The following USP6 variants were observed in gnomAD, a reference collection of about 807,000 sequenced individuals.
USP6 encodes the protein ubiquitin specific peptidase 6, also known as ubiquitin carboxyl-terminal hydrolase 6.
Under a neutral mutation model 175.7 loss-of-function variants are expected in USP6, and 128 were observed. The observed-to-expected ratio is 0.73, with a 90% CI of 0.63 to 0.84. USP6 has a LOEUF of 0.84. Among genes scored for constraint, USP6 ranks in the 40% least tolerant of loss-of-function variants. The pLI is 0.00. For missense variants in USP6, 1,498 were observed against 1,760.3 expected (o/e 0.85, Z 2.67); for synonymous variants, 562 against 630.6 (o/e 0.89, Z 1.63).
At chr17:5,163,340 T>C (rs1332555408) in intron 33 of USP6, among the ~76,000 whole-genome samples, 1 of 152,196 alleles carries the variant, frequency 6.6e-6, no homozygotes, top group Non-Finnish European at 1.5e-5. Context: ...TGGCAAAGAC[T>C]TCTGTGCTGC....
At position 5,168,993 on chromosome 17, in the gene USP6, A is replaced by C. The variant is rs1404471196; in HGVS notation, c.3455A>C (p.Glu1152Ala). Reference sequence around the variant, plus strand: ...GATGCGCAGAGTTCGGCTGGAAAAGAGGACATGCTCCTAAGCAAAAGCCCA... The same window carrying C: ...GATGCGCAGAGTTCGGCTGGAAAAGCGGACATGCTCCTAAGCAAAAGCCCA... The part of the protein sequence containing the change: ...KVDAQSSAGK[E>A]DMLLSKSPSS... Residue 1152 changes from glutamate to alanine, a missense_variant, in exon 35 of 38, where the codon GAG (glutamate) becomes GCG (alanine). This residue lies in a region of USP6 where 1,217 missense variants were observed against 1,500.8 expected (regional missense o/e 0.81). Transcript: ENST00000574788. 6.2e-7 allele frequency: 1 copy of C among 1,614,028 alleles called. No individual in the cohort carries two copies. Among genetic ancestry groups the C allele is most frequent in the African/African-American group, 1.3e-5 (1 of 75,060 alleles).
At chr17:5,136,569 A>T in intron 17 of USP6, 71 bp from the exon 18 acceptor site, 1 of 1,573,356 alleles carries the variant, frequency 6.4e-7, no homozygotes, top group Non-Finnish European at 8.7e-7. Context: ...GCAGCTGCCC[A>T]GCTCTTTCAG....
chr17:5,127,650 A>G lies in USP6; in HGVS notation c.-338+11A>G, dbSNP rs532251033. 1 of 152,324 alleles carries G rather than the reference A, an allele frequency of 6.6e-6. No homozygotes were observed. Among genetic ancestry groups the G allele is most frequent in the Non-Finnish European group, 1.5e-5 (1 of 68,032 alleles). 9.4% of individuals were successfully genotyped at this position (152,324 alleles called of 1,614,324 possible). A position where few individuals can be genotyped will look rare whatever the true frequency, so the allele number is the denominator to read the frequency against. On this transcript the variant is annotated intron_variant, in intron 7 of 37. Coordinates refer to ENST00000574788, the MANE Select transcript of USP6 (RefSeq NM_001304284.2). ...GAGAAGCCTTCCTGAGTGAGTTTAT[A>G]TAGTCATCCCTTGGTATCCATGGAG... is the stretch of plus-strand genomic sequence containing the variant.
At chr17:5,139,822 C>T in intron 22 of USP6, 148 bp downstream of exon 22, 1 of 1,594,590 alleles carries the variant, frequency 6.3e-7, no homozygotes. Context: ...CTTGCCTCTG[C>T]CACCTCTACT....
chr17:5,123,497 C>G (rs1340756284), intron 4 of USP6, among the ~76,000 whole-genome samples: 1 of 152,148 alleles, frequency 6.6e-6, no homozygotes, highest in Non-Finnish European at 1.5e-5. Flanking sequence ...AGCAAACACG[C>G]AGGGTGAGTG....
intron 33 of USP6, 95 bp downstream of exon 33, chr17:5,163,099 C>G: frequency 6.8e-7 from 1 of 1,461,202 alleles, no homozygotes; most frequent in East Asian, 2.6e-5. Flanking sequence ...AATTTAAAAA[C>G]AACCAGAAAA....
Position 5,135,963 on chromosome 17 carries a change from C to T in USP6, c.664+35C>T, listed in dbSNP as rs754911770. 3.1e-6 allele frequency: 5 copies of T among 1,597,346 alleles called. No homozygotes were observed. The East Asian group carries it at 1.1e-4, about 36-fold the overall frequency. Reference sequence around the variant, plus strand: ...CAGCTGCCCGTGGGGCCTCACGCAGCCAGACCCGGGAAAGCCACTGTGGCC... The same window carrying T: ...CAGCTGCCCGTGGGGCCTCACGCAGTCAGACCCGGGAAAGCCACTGTGGCC... On this transcript the variant is annotated intron_variant, in intron 17 of 37. Coordinates refer to ENST00000574788, the MANE Select transcript of USP6 (RefSeq NM_001304284.2).
rs969143011 is a variant in USP6 at position 5,142,038 on chromosome 17, C to T, written c.1609C>T (p.Leu537=). 14 of 1,613,758 alleles carry T rather than the reference C, an allele frequency of 8.7e-6. No homozygotes were observed. Among genetic ancestry groups the T allele is most frequent in the Non-Finnish European group, 1.1e-5 (13 of 1,179,788 alleles). ...TEKGATGLSN[L]GNTCFMNSSI... ...AAAGGGAGCCACAGGTCTAAGCAAC[C>T]TGGGAAACACATGCTTCATGAACTC... Residue 537 remains leucine, a synonymous_variant, in exon 24 of 38, where the codon CTG becomes TTG. Coordinates refer to ENST00000574788, the MANE Select transcript of USP6 (RefSeq NM_001304284.2).
intron 30 of USP6, among the ~76,000 whole-genome samples, chr17:5,149,915 G>A (rs1412119667): frequency 2.0e-5 from 3 of 152,118 alleles, no homozygotes; most frequent in East Asian, 3.8e-4. Context: ...CACTGAACTA[G>A]GAATTTAGCA....
chr17:5,170,983 T>C lies in USP6; in HGVS notation c.3954+68T>C, dbSNP rs546086522. On this transcript the variant is annotated intron_variant, in intron 36 of 37. Transcript: ENST00000574788. ...TTGTTCACTTGTCTTCATGTATTCA[T>C]CAGCAAGTATTTTTCAGGTCCTGCT... 9 of 1,549,526 alleles carry C rather than the reference T, an allele frequency of 5.8e-6. No homozygotes were observed. In the South Asian group the frequency reaches 8.4e-5, roughly 14 times the overall value.
In USP6 at chr17:5,173,884, C is replaced by A. The variant is rs1419112142; in HGVS notation, c.*906C>A. The A allele has an allele frequency of 2.2e-5, 5 of 222,244 alleles. No individual in the cohort carries two copies. Among genetic ancestry groups the A allele is most frequent in the Admixed American group, 1.7e-4 (3 of 17,384 alleles). 13.8% of individuals were successfully genotyped at this position (222,244 alleles called of 1,614,324 possible). A position where few individuals can be genotyped will look rare whatever the true frequency, so the allele number is the denominator to read the frequency against. ...GGTAAGCGGCATCGGAGCTAGATCACGTTTCACAATTAGTGGTTATTCTTT... is the reference window on the plus strand; with the variant it reads ...GGTAAGCGGCATCGGAGCTAGATCAAGTTTCACAATTAGTGGTTATTCTTT... On this transcript the variant is annotated 3_prime_UTR_variant, in exon 38 of 38. Transcript: ENST00000574788.
chr17:5,144,315 C>T (rs544409473), intron 25 of USP6, among the ~76,000 whole-genome samples: 49 of 151,712 alleles, frequency 3.2e-4, no homozygotes, highest in Non-Finnish European at 6.5e-4. Context: ...TATTATGTAC[C>T]TGTAAAATAT....
intron 33 of USP6, among the ~76,000 whole-genome samples, chr17:5,165,665 A>G (rs1247483874): frequency 3.3e-5 from 5 of 152,240 alleles, no homozygotes; most frequent in Admixed American, 2.0e-4. Context: ...TAATAGTCTT[A>G]TATGAAAACT....
intron 29 of USP6, among the ~76,000 whole-genome samples, chr17:5,147,862 C>T (rs1307466227): frequency 6.6e-6 from 1 of 152,120 alleles, no homozygotes; most frequent in Admixed American, 6.6e-5. Context: ...GAGAATAATG[C>T]ATTTTTAATT....
intron 30 of USP6, among the ~76,000 whole-genome samples, chr17:5,154,360 C>T (rs1295840245): frequency 6.6e-6 from 1 of 152,162 alleles, no homozygotes; most frequent in East Asian, 1.9e-4. Context: ...TTCAAAGGTT[C>T]AGCAGCTTTG....
Position 5,170,430 on chromosome 17 carries a change from A to G in USP6, c.3518-49A>G, listed in dbSNP as rs916400018. On this transcript the variant is annotated intron_variant, in intron 35 of 37. Transcript: ENST00000574788. ...CGGAGTTAGCATTTGGGGCTGGCTT[A>G]CTTTCTGGCATTTGGATTTGTGAAT... is the stretch of plus-strand genomic sequence containing the variant. 3.3e-6 allele frequency: 5 copies of G among 1,538,352 alleles called. No individual in the cohort carries two copies. The African/African-American group carries it at 5.5e-5, about 17-fold the overall frequency.
At chr17:5,121,212 G>A (rs1419970649) in intron 3 of USP6, among the ~76,000 whole-genome samples, 163 bp from the exon 4 acceptor site, 1 of 152,208 alleles carries the variant, frequency 6.6e-6, no homozygotes, top group Non-Finnish European at 1.5e-5. Flanking sequence ...AGAGCAGGCT[G>A]AATTCCTCCA....
At position 5,141,411 on chromosome 17, in the gene USP6, A is replaced by C; in HGVS notation, c.1499-14A>C. On this transcript the variant is annotated splice_polypyrimidine_tract_variant and intron_variant, in intron 22 of 37. Transcript: ENST00000574788. ...ACAGATAAGAAATTAACACATTCCT[A>C]TCTGTCCTTCCAGTTCACAACAAAG... is the stretch of plus-strand genomic sequence containing the variant. 6.3e-7 allele frequency: 1 copy of C among 1,597,816 alleles called. No individual in the cohort carries two copies.
In USP6 at chr17:5,136,803, C is replaced by T. The variant is rs112275161; in HGVS notation, c.759+69C>T. On this transcript the variant is annotated intron_variant, in intron 18 of 37. Coordinates refer to ENST00000574788, the MANE Select transcript of USP6 (RefSeq NM_001304284.2). ...CTGTGGGGCTGTAGGAGCAGGGGGA[C>T]TGGAGTCCCTTGTGGGACTGGTGAC... The T allele has an allele frequency of 4.5e-3, 7,055 of 1,583,458 alleles. 21 individuals are homozygous for T. The highest frequency in any genetic ancestry group is 5.4e-3 in the Non-Finnish European group (6,225 of 1,154,282).
Sources: gnomAD v4.1 joint callset for allele counts (sites outside exome capture counted in the v4.1 genomes callset) on GRCh38, gnomAD v4.1.1 for gene constraint, gnomAD v4.1.1 regional missense constraint, MANE v1.5 for transcripts, NCBI Gene and HGNC (gene_info 2026-07-23, HGNC 2026-07-21) for gene names.